SUMF1: variants seen among roughly 807,000 people sequenced by gnomAD.
The protein encoded by SUMF1 is formylglycine-generating enzyme.
Under a neutral mutation model 47.6 loss-of-function variants are expected in SUMF1, and 48 were observed. The observed-to-expected ratio is 1.01, with a 90% confidence interval of 0.80 to 1.28. The LOEUF (loss-of-function observed/expected upper bound fraction) is 1.28, where lower values mean the gene tolerates loss of function less well. Among genes scored for constraint, SUMF1 ranks in the 50% most tolerant of loss-of-function variants. The pLI is 0.00. For missense variants in SUMF1, 571 were observed against 485.4 expected (o/e 1.18, Z -1.66); for synonymous variants, 230 against 192.1 (o/e 1.20, Z -1.63).
chr3:4,372,912 C>G (rs1431136591), intron 8 of SUMF1, among the ~76,000 whole-genome samples: 1 of 152,166 alleles, frequency 6.6e-6, no homozygotes, highest in African/African-American at 2.4e-5. Context: ...ATGATAAAGA[C>G]CAACCTAATA....
chr3:4,144,694 A>G (rs1355270190), intron 8 of SUMF1, among the ~76,000 whole-genome samples: 1 of 152,166 alleles, frequency 6.6e-6, no homozygotes, highest in Non-Finnish European at 1.5e-5. Context: ...ACTAATATTC[A>G]GAATGATTAC....
chr3:4,129,548 C>T (rs1376167587), intron 8 of SUMF1, among the ~76,000 whole-genome samples: 1 of 152,138 alleles, frequency 6.6e-6, no homozygotes, highest in African/African-American at 2.4e-5. Flanking sequence ...AACCCAGAAC[C>T]CCTTGAATGA....
intron 9 of SUMF1, among the ~76,000 whole-genome samples, chr3:4,039,208 AATTTTT>A (rs907015600): frequency 1.7e-4 from 8 of 46,186 alleles, no homozygotes; most frequent in South Asian, 2.1e-3. Context: ...CATCTATGCA[AATTTTT>A]TTTTTTTTTT....
chr3:4,220,272 T>G (rs565517619), intron 8 of SUMF1, among the ~76,000 whole-genome samples: 2 of 152,264 alleles, frequency 1.3e-5, no homozygotes, highest in African/African-American at 4.8e-5. Context: ...CTACGGTTCA[T>G]GCTAGACTGC....
At chr3:4,058,533 C>T (rs927623297) in intron 9 of SUMF1, among the ~76,000 whole-genome samples, 4 of 152,036 alleles carry the variant, frequency 2.6e-5, no homozygotes, top group African/African-American at 4.8e-5. Flanking sequence ...CAGAAGGGGG[C>T]AGGAACTCTG....
chr3:4,036,227 T>C (rs1694793093), intron 9 of SUMF1, among the ~76,000 whole-genome samples: 1 of 152,184 alleles, frequency 6.6e-6, no homozygotes, highest in Non-Finnish European at 1.5e-5. Flanking sequence ...CAAAGGATCA[T>C]GTGTATGAGA....
intron 8 of SUMF1, among the ~76,000 whole-genome samples, chr3:4,253,930 T>G (rs1435551136): frequency 6.7e-6 from 1 of 150,356 alleles, no homozygotes; most frequent in Non-Finnish European, 1.5e-5. Flanking sequence ...ACTGGCAGAC[T>G]GCCTCCTCAA....
At chr3:4,153,606 C>A (rs892506314) in intron 8 of SUMF1, among the ~76,000 whole-genome samples, 1 of 150,658 alleles carries the variant, frequency 6.6e-6, no homozygotes, top group African/African-American at 2.5e-5. Context: ...ATATTCAAGC[C>A]CTAAAAAATA....
intron 3 of SUMF1, among the ~76,000 whole-genome samples, chr3:4,445,661 TCCATGAGTTC>T: frequency 6.6e-6 from 1 of 152,160 alleles, no homozygotes; most frequent in East Asian, 1.9e-4. Context: ...TATATTTAAA[TCCATGAGTTC>T]ATGAAGACTT....
Position 4,134,798 on chromosome 3 carries a change from C to T in SUMF1, c.1015-66053G>A, listed in dbSNP as rs547929574. 3.6e-3 allele frequency among the ~76,000 whole-genome samples: 540 copies of T among 152,076 alleles called. 5 individuals are homozygous for T. The highest frequency in any genetic ancestry group is 0.02 in the Middle Eastern group (6 of 294). On this transcript the variant is annotated intron_variant and NMD_transcript_variant, in intron 8 of 12. Transcript: ENST00000448413. The stretch of plus-strand genomic sequence containing the variant: ...AAAATGATAAAGGGGGTATCACCAC[C>T]GATCCCACAGAAATACAAACTACCA...
chr3:4,151,465 A>ATGTATATATGTATACATGTG (rs1559514228), intron 8 of SUMF1, among the ~76,000 whole-genome samples: 1 of 142,398 alleles, frequency 7.0e-6, no homozygotes, highest in Non-Finnish European at 1.5e-5. Context: ...ATGTGTATAT[A>ATGTATATATGTATACATGTG]TGTATATATG....
At chr3:4,042,353 A>T (rs530893205) in intron 9 of SUMF1, among the ~76,000 whole-genome samples, 27 of 152,118 alleles carry the variant, frequency 1.8e-4, no homozygotes, top group African/African-American at 4.1e-4. Context: ...GTTTGTTTTT[A>T]AAAAAACCCT....
chr3:4,113,965 C>A (rs1374540880), intron 8 of SUMF1, among the ~76,000 whole-genome samples: 5 of 151,998 alleles, frequency 3.3e-5, no homozygotes, highest in Non-Finnish European at 5.9e-5. Context: ...AGAGAGCAAA[C>A]AGAAAGGTCA....
intron 8 of SUMF1, among the ~76,000 whole-genome samples, chr3:4,291,992 T>G (rs1250967014): frequency 6.6e-6 from 1 of 152,344 alleles, no homozygotes; most frequent in Non-Finnish European, 1.5e-5. Context: ...AGTAGCTAAC[T>G]ATGTTTGAGG....
At chr3:4,127,323 G>A (rs188283915) in intron 8 of SUMF1, among the ~76,000 whole-genome samples, 15 of 152,240 alleles carry the variant, frequency 9.9e-5, no homozygotes, top group Middle Eastern at 3.4e-3. Context: ...CAACTTGATC[G>A]GAATGAAGAA....
intron 9 of SUMF1, among the ~76,000 whole-genome samples, chr3:4,038,619 G>A (rs931669124): frequency 4.6e-5 from 7 of 152,136 alleles, no homozygotes; most frequent in African/African-American, 1.7e-4. Context: ...AGGGCGAAGG[G>A]CTCACTGGGA....
chr3:4,136,367 G>C (rs1358359470), intron 8 of SUMF1, among the ~76,000 whole-genome samples: 4 of 152,086 alleles, frequency 2.6e-5, no homozygotes, highest in Non-Finnish European at 5.9e-5. Flanking sequence ...ACAAGCAATG[G>C]GGAAAGGACT....
At chr3:4,388,625 T>A (rs1420381189) in intron 7 of SUMF1, among the ~76,000 whole-genome samples, 2 of 152,082 alleles carry the variant, frequency 1.3e-5, no homozygotes, top group Non-Finnish European at 2.9e-5. Context: ...CTGTTCTCTA[T>A]TTTTTTGTCT....
chr3:4,138,936 AT>A (rs1163725736), intron 8 of SUMF1, among the ~76,000 whole-genome samples: 3 of 152,034 alleles, frequency 2.0e-5, no homozygotes, highest in Non-Finnish European at 4.4e-5. Context: ...GATTTTTTAT[AT>A]ATTATGACAT....
Sources: allele counts gnomAD v4.1 joint callset (sites outside exome capture counted in the v4.1 genomes callset), GRCh38; gene constraint gnomAD v4.1.1; transcripts MANE v1.5; gene names NCBI Gene and HGNC (gene_info 2026-07-23, HGNC 2026-07-21).